ADCY7: variants seen among roughly 807,000 people sequenced by gnomAD.
ADCY7 encodes the protein adenylate cyclase 7.
ADCY7 carries 72 observed loss-of-function variants against 120.6 expected under a neutral mutation model. The observed-to-expected ratio is 0.60, with a 90% CI of 0.49 to 0.73. The LOEUF is 0.73. Ranked by LOEUF, ADCY7 falls within the 30% of genes least tolerant of loss-of-function variation. The pLI, the probability that ADCY7 is intolerant of heterozygous loss-of-function variation, is 0.00. For missense variants in ADCY7, 1,227 were observed against 1,486.0 expected, an observed-to-expected ratio of 0.83 and a Z score of 2.87; for synonymous variants, 661 against 628.0, an observed-to-expected ratio of 1.05 and a Z score of -0.78.
chr16:50,305,675 C>T (rs1253436513), intron 13 of ADCY7, 89 bp downstream of exon 13: 1 of 1,497,582 alleles, frequency 6.7e-7, no homozygotes, highest in South Asian at 1.1e-5. Flanking sequence ...ATACCCCATG[C>T]CTGGTGGCCC....
chr16:50,251,341 A>T (rs2032751234), intron 1 of ADCY7, among the ~76,000 whole-genome samples: 1 of 152,176 alleles, frequency 6.6e-6, no homozygotes, highest in African/African-American at 2.4e-5. Context: ...TCTGGCACTC[A>T]TCGAGCATTA....
At chr16:50,249,028 G>C (rs114132637) in intron 1 of ADCY7, among the ~76,000 whole-genome samples, 1,676 of 152,270 alleles carry the variant, frequency 0.011, 27 homozygotes, top group African/African-American at 0.038. Context: ...TGGCCCCCTT[G>C]AGTGCTTTCT....
At chr16:50,259,156 A>G (rs1567528857) in intron 1 of ADCY7, among the ~76,000 whole-genome samples, 1 of 152,248 alleles carries the variant, frequency 6.6e-6, no homozygotes, top group Admixed American at 6.5e-5. Flanking sequence ...TCACCTAGTG[A>G]TAACTCCTAA....
intron 11 of ADCY7, among the ~76,000 whole-genome samples, 186 bp from the exon 12 acceptor site, chr16:50,304,739 G>C (rs1202495742): frequency 6.6e-6 from 1 of 152,226 alleles, no homozygotes; most frequent in African/African-American, 2.4e-5. Context: ...GGGATGGCCA[G>C]GAACATCCCT....
In ADCY7 at chr16:50,298,930, C is replaced by T; in HGVS notation, c.975C>T (p.Ile325=). Residue 325 remains isoleucine, a synonymous_variant, in exon 8 of 26, where the codon ATC becomes ATT. Coordinates refer to ENST00000673801, the MANE Select transcript of ADCY7 (RefSeq NM_001114.5). The part of the protein sequence containing the change: ...AKANECMRIK[I]LGDCYYCVSG... Reference sequence around the variant, plus strand: ...CCAACGAGTGCATGCGAATCAAGATCCTCGGCGACTGCTACTACTGTGTAT... The same window carrying T: ...CCAACGAGTGCATGCGAATCAAGATTCTCGGCGACTGCTACTACTGTGTAT... 6.2e-7 allele frequency: 1 copy of T among 1,613,984 alleles called. No individual in the cohort carries two copies. Among genetic ancestry groups the T allele is most frequent in the Non-Finnish European group, 8.5e-7 (1 of 1,179,988 alleles).
chr16:50,294,600 C>T, intron 6 of ADCY7, 40 bp from the exon 7 acceptor site: 1 of 1,281,778 alleles, frequency 7.8e-7, no homozygotes. Flanking sequence ...TGTCTAGGAG[C>T]CTGGCTCTGA....
At chr16:50,281,385 A>AGGCAGGTGTGGCAGGTAAGGCAGGTGC (rs2034252948) in intron 1 of ADCY7, among the ~76,000 whole-genome samples, 1 of 151,032 alleles carries the variant, frequency 6.6e-6, no homozygotes, top group Non-Finnish European at 1.5e-5. Flanking sequence ...GTGGCAGGTA[A>AGGCAGGTGTGGCAGGTAAGGCAGGTGC]GGCAGGTGCG....
At chr16:50,273,491 C>T (rs1307210714) in intron 1 of ADCY7, among the ~76,000 whole-genome samples, 2 of 152,206 alleles carry the variant, frequency 1.3e-5, no homozygotes, top group Non-Finnish European at 2.9e-5. Flanking sequence ...AGTGCCTGCA[C>T]CTGCTGCAGG....
chr16:50,247,382 A>T (rs2032623212), intron 1 of ADCY7, among the ~76,000 whole-genome samples: 2 of 151,800 alleles, frequency 1.3e-5, no homozygotes. Context: ...TTTTTCTTGA[A>T]ACAGGGCCTT....
intron 14 of ADCY7, among the ~76,000 whole-genome samples, chr16:50,306,647 G>T (rs1178208570): frequency 6.6e-6 from 1 of 152,208 alleles, no homozygotes; most frequent in Non-Finnish European, 1.5e-5. Context: ...CGGAAGCTCA[G>T]ACTTGGCTCC....
At chr16:50,312,729 G>A (rs574564073) in intron 21 of ADCY7, among the ~76,000 whole-genome samples, 161 bp from the exon 22 acceptor site, 83 of 152,216 alleles carry the variant, frequency 5.5e-4, no homozygotes, top group African/African-American at 1.8e-3. Flanking sequence ...TTAATCACCC[G>A]GTAACAGCCA....
chr16:50,287,213 C>T (rs1369619721), intron 1 of ADCY7, among the ~76,000 whole-genome samples: 1 of 151,454 alleles, frequency 6.6e-6, no homozygotes, highest in Middle Eastern at 3.2e-3. Context: ...GGGGGTTTTA[C>T]CACGTGGGCC....
intron 1 of ADCY7, among the ~76,000 whole-genome samples, chr16:50,277,439 T>C (rs111391693): frequency 4.6e-5 from 7 of 152,276 alleles, no homozygotes; most frequent in African/African-American, 1.7e-4. Context: ...GGAATGTGAG[T>C]GACTGTTTCC....
chr16:50,292,843 C>T lies in ADCY7; in HGVS notation c.687+18C>T. 6.2e-7 allele frequency: 1 copy of T among 1,611,162 alleles called. No homozygotes were observed. Among genetic ancestry groups the T allele is most frequent in the Non-Finnish European group, 8.5e-7 (1 of 1,179,344 alleles). The stretch of plus-strand genomic sequence containing the variant: ...GCCAGCAGGTGGGACCCGGCCCCCA[C>T]TCCTCACCCTGTACACCCCTGTCCT... On this transcript the variant is annotated intron_variant, in intron 5 of 25. Coordinates refer to ENST00000673801, the MANE Select transcript of ADCY7 (RefSeq NM_001114.5).
At chr16:50,251,818 C>T (rs760032978) in intron 1 of ADCY7, among the ~76,000 whole-genome samples, 2 of 152,214 alleles carry the variant, frequency 1.3e-5, no homozygotes, top group African/African-American at 4.8e-5. Context: ...AGGAAGTGAT[C>T]GCAGGGTGCT....
At chr16:50,312,786 C>T (rs542117476) in intron 21 of ADCY7, 104 bp from the exon 22 acceptor site, 1 of 1,015,268 alleles carries the variant, frequency 9.8e-7, no homozygotes, top group Admixed American at 2.4e-5. Context: ...TCCCCGAAAG[C>T]TGGGCTGGGC....
At chr16:50,313,930 T>C (rs749461563) in intron 22 of ADCY7, 28 bp from the exon 23 acceptor site, 5 of 1,591,794 alleles carry the variant, frequency 3.1e-6, no homozygotes. Context: ...GAGTGGCGGC[T>C]GCTTCACCGC....
intron 1 of ADCY7, among the ~76,000 whole-genome samples, chr16:50,254,298 C>G (rs59158915): frequency 0.013 from 1,925 of 152,256 alleles, 40 homozygotes; most frequent in African/African-American, 0.044. Context: ...TGGGAGCTGC[C>G]TCTCCTCCCA....
intron 1 of ADCY7, among the ~76,000 whole-genome samples, chr16:50,257,708 C>T (rs2032954405): frequency 1.3e-5 from 2 of 149,872 alleles, no homozygotes; most frequent in African/African-American, 2.4e-5. Context: ...TTGTAAATGT[C>T]ATATATATAT....
Sources: gnomAD v4.1 joint callset for allele counts (sites outside exome capture counted in the v4.1 genomes callset) on GRCh38, gnomAD v4.1.1 for gene constraint, MANE v1.5 for transcripts, NCBI Gene and HGNC (gene_info 2026-07-23, HGNC 2026-07-21) for gene names.